The following SHISA9 variants were observed in gnomAD, a reference collection of about 807,000 sequenced individuals.
SHISA9 encodes protein shisa-9.
Under a neutral mutation model 38.0 loss-of-function variants are expected in SHISA9, and 13 were observed. The ratio of observed to expected loss-of-function variants is 0.34; its 90% CI spans 0.22 to 0.54. The LOEUF (loss-of-function observed/expected upper bound fraction) is 0.54. SHISA9 is among the 20% of genes least tolerant of loss of function. The pLI is 0.91. For missense variants in SHISA9, 538 were observed against 575.8 expected, an observed-to-expected ratio of 0.93 and a Z score of 0.67; for synonymous variants, 275 against 242.0, an observed-to-expected ratio of 1.14 and a Z score of -1.27.
At chr16:13,360,726 G>C in the SHISA9 span, among the ~76,000 whole-genome samples, 1 of 152,162 alleles carries the variant, frequency 6.6e-6, no homozygotes, top group Non-Finnish European at 1.5e-5. Context: ...GTCAAGCCTC[G>C]CATAGGTGGA....
chr16:13,377,413 T>C, the SHISA9 span, among the ~76,000 whole-genome samples: 1 of 152,312 alleles, frequency 6.6e-6, no homozygotes, highest in East Asian at 1.9e-4. Context: ...ATCGTATTTG[T>C]TCCTCATGAC....
the SHISA9 span, among the ~76,000 whole-genome samples, chr16:13,420,245 CAAAAAA>C: frequency 1.1e-3 from 57 of 50,404 alleles, no homozygotes; most frequent in Admixed American, 2.0e-3. Flanking sequence ...GAATCTGTTT[CAAAAAA>C]AAAAAAAAAA....
the SHISA9 span, among the ~76,000 whole-genome samples, chr16:13,416,810 A>AAGGAAGGG: frequency 6.8e-6 from 1 of 147,562 alleles, no homozygotes; most frequent in Non-Finnish European, 1.5e-5. Context: ...GGAAGGAAGG[A>AAGGAAGGG]AGGGAAGGAA....
chr16:12,974,482 T>G (rs1313622714), intron 2 of SHISA9, among the ~76,000 whole-genome samples: 11 of 53,502 alleles, frequency 2.1e-4, no homozygotes, highest in African/African-American at 4.4e-4. Flanking sequence ...TCTGGTGGTT[T>G]TTTTTTTTTT....
At chr16:13,298,008 G>A in the SHISA9 span, among the ~76,000 whole-genome samples, 8 of 152,220 alleles carry the variant, frequency 5.3e-5, no homozygotes, top group Middle Eastern at 3.4e-3. Flanking sequence ...CACCCGCCTC[G>A]GCCTCCCAAA....
intron 1 of SHISA9, 141 bp downstream of exon 1, chr16:12,902,768 G>C: frequency 1.1e-6 from 1 of 900,032 alleles, no homozygotes; most frequent in Non-Finnish European, 1.6e-6. Flanking sequence ...TCACCGGGAA[G>C]CCAACTTCGG....
Position 12,916,680 on chromosome 16 carries a change from T to C in SHISA9, c.564-8T>C. The C allele has an allele frequency of 6.5e-7, 1 of 1,547,886 alleles. No individual in the cohort carries two copies. The highest frequency in any genetic ancestry group is 8.7e-7 in the Non-Finnish European group (1 of 1,145,830). ...GAATGAACAGATTTAAATTCTTTCT[T>C]CTTTCAGGGCCCTTGCGGATGTCAT... On this transcript the variant is annotated splice_region_variant and splice_polypyrimidine_tract_variant and intron_variant, in intron 1 of 4. Coordinates refer to ENST00000558583, the MANE Select transcript of SHISA9 (RefSeq NM_001145204.3).
chr16:12,939,548 C>T (rs1170298216), intron 2 of SHISA9, among the ~76,000 whole-genome samples: 1 of 152,132 alleles, frequency 6.6e-6, no homozygotes, highest in Non-Finnish European at 1.5e-5. Context: ...GACCATAGTT[C>T]TCATTTATGA....
the SHISA9 span, among the ~76,000 whole-genome samples, chr16:13,303,549 A>G: frequency 2.0e-5 from 3 of 152,202 alleles, no homozygotes; most frequent in Admixed American, 6.5e-5. Flanking sequence ...AGGTAAACCT[A>G]TAGAGATAGA....
intron 2 of SHISA9, among the ~76,000 whole-genome samples, chr16:13,169,098 C>T (rs1284259376): frequency 1.3e-5 from 2 of 152,326 alleles, no homozygotes; most frequent in Non-Finnish European, 2.9e-5. Flanking sequence ...AGACCTCACA[C>T]CTGTTTCAGA....
At chr16:13,193,904 C>T (rs1407981826) in intron 2 of SHISA9, among the ~76,000 whole-genome samples, 1 of 152,106 alleles carries the variant, frequency 6.6e-6, no homozygotes, top group Non-Finnish European at 1.5e-5. Context: ...GCTCAGCTGC[C>T]CTGTGACAGC....
At chr16:13,049,442 A>G (rs1045752167) in intron 2 of SHISA9, among the ~76,000 whole-genome samples, 2 of 152,056 alleles carry the variant, frequency 1.3e-5, no homozygotes, top group African/African-American at 4.8e-5. Context: ...TGTAGGTTTG[A>G]AATGGGGATT....
intron 2 of SHISA9, among the ~76,000 whole-genome samples, chr16:12,938,486 T>TTCTC (rs752037617): frequency 2.0e-5 from 3 of 151,884 alleles, no homozygotes; most frequent in Non-Finnish European, 4.4e-5. Flanking sequence ...TAGGGGCTAA[T>TTCTC]TCTCTCTCTC....
chr16:13,071,968 C>T (rs910040814), intron 2 of SHISA9, among the ~76,000 whole-genome samples: 17 of 152,148 alleles, frequency 1.1e-4, no homozygotes, highest in African/African-American at 2.4e-4. Context: ...TTCTGACACC[C>T]GCTCTTCCCA....
At chr16:13,295,413 C>A in the SHISA9 span, among the ~76,000 whole-genome samples, 1 of 152,146 alleles carries the variant, frequency 6.6e-6, no homozygotes, top group Admixed American at 6.5e-5. Context: ...CACAACCAAT[C>A]CTTCAAAAAT....
At chr16:13,125,668 G>A (rs1206432341) in intron 2 of SHISA9, among the ~76,000 whole-genome samples, 1 of 152,026 alleles carries the variant, frequency 6.6e-6, no homozygotes, top group African/African-American at 2.4e-5. Context: ...TCATAGAGTT[G>A]GTGTTTCTCA....
intron 2 of SHISA9, among the ~76,000 whole-genome samples, chr16:12,971,523 T>A (rs893667911): frequency 6.6e-6 from 1 of 152,228 alleles, no homozygotes; most frequent in Non-Finnish European, 1.5e-5. Flanking sequence ...AACTGTGACC[T>A]AATTTGCTGC....
intron 2 of SHISA9, among the ~76,000 whole-genome samples, chr16:13,015,736 G>A (rs1049167882): frequency 3.3e-5 from 5 of 151,976 alleles, no homozygotes; most frequent in East Asian, 1.9e-4. Context: ...AAAGGTTTCC[G>A]GAGTAGCTGA....
the SHISA9 span, among the ~76,000 whole-genome samples, chr16:13,349,902 T>A: frequency 6.6e-6 from 1 of 152,214 alleles, no homozygotes; most frequent in Non-Finnish European, 1.5e-5. Flanking sequence ...TATGTAGAAG[T>A]TAGGAGGCCC....
Sources: allele counts gnomAD v4.1 joint callset (sites outside exome capture counted in the v4.1 genomes callset), GRCh38; gene constraint gnomAD v4.1.1; transcripts MANE v1.5; gene names NCBI Gene and HGNC (gene_info 2026-07-23, HGNC 2026-07-21).